Variants in SDK1 observed in about 807,000 individuals in gnomAD.
SDK1 encodes sidekick cell adhesion molecule 1, also known as protein sidekick-1.
A neutral mutation model predicts 245.5 loss-of-function variants in SDK1; 157 were observed. That is an observed-to-expected ratio of 0.64 (90% confidence interval 0.56 to 0.73). The LOEUF is 0.73. Ranked by LOEUF, SDK1 falls within the 30% of genes least tolerant of loss-of-function variation. SDK1 has a pLI of 0.00. For missense variants in SDK1, 3,583 were observed against 3,002.3 expected (o/e 1.19, Z -4.52); for synonymous variants, 1,647 against 1,278.5 (o/e 1.29, Z -6.15).
At chr7:3,455,826 A>G (rs1583883696) in intron 1 of SDK1, among the ~76,000 whole-genome samples, 2 of 152,320 alleles carry the variant, frequency 1.3e-5, no homozygotes, top group East Asian at 3.9e-4. Flanking sequence ...CTTTGCTGAG[A>G]TTTTGATAGG....
At chr7:3,494,671 T>G (rs1001020914) in intron 1 of SDK1, among the ~76,000 whole-genome samples, 2 of 152,222 alleles carry the variant, frequency 1.3e-5, no homozygotes, top group Non-Finnish European at 2.9e-5. Flanking sequence ...TTTTATATAC[T>G]CTGTTAAAGA....
At chr7:3,658,951 C>T in intron 4 of SDK1, among the ~76,000 whole-genome samples, 1 of 152,190 alleles carries the variant, frequency 6.6e-6, no homozygotes, top group Middle Eastern at 3.4e-3. Context: ...TTTCCATCAC[C>T]CCAGAAGAAA....
chr7:3,353,181 A>AT (rs145606589), intron 1 of SDK1, among the ~76,000 whole-genome samples: 25,801 of 152,004 alleles, frequency 0.17, 2,180 homozygotes, highest in South Asian at 0.23. Context: ...AAGTGGTGTA[A>AT]GTAATGGCAT....
chr7:4,250,845 T>C (rs187962554), intron 44 of SDK1, among the ~76,000 whole-genome samples: 74 of 152,348 alleles, frequency 4.9e-4, no homozygotes, highest in African/African-American at 1.7e-3. Context: ...TACGATTCAA[T>C]GGTTTTTAGT....
At chr7:4,161,415 T>TA (rs1290822049) in intron 31 of SDK1, among the ~76,000 whole-genome samples, 2 of 151,834 alleles carry the variant, frequency 1.3e-5, no homozygotes, top group African/African-American at 2.4e-5. Flanking sequence ...CTAGGTATCT[T>TA]AAAAAAAAGA....
At chr7:3,898,727 G>T (rs115767116) in intron 5 of SDK1, among the ~76,000 whole-genome samples, 1 of 152,108 alleles carries the variant, frequency 6.6e-6, no homozygotes, top group Non-Finnish European at 1.5e-5. Flanking sequence ...ATTATGTCAC[G>T]CCCCTTGTGT....
chr7:3,408,423 C>T (rs180876445), intron 1 of SDK1, among the ~76,000 whole-genome samples: 1 of 152,210 alleles, frequency 6.6e-6, no homozygotes, highest in East Asian at 1.9e-4. Flanking sequence ...ATTATTAATC[C>T]TGTTTAAAAT....
intron 4 of SDK1, among the ~76,000 whole-genome samples, chr7:3,816,772 G>C (rs1265217124): frequency 1.3e-5 from 2 of 152,098 alleles, no homozygotes; most frequent in Admixed American, 1.3e-4. Context: ...TGTGAGGCAT[G>C]AGATCCAGAT....
intron 4 of SDK1, among the ~76,000 whole-genome samples, chr7:3,688,710 C>G (rs889605359): frequency 6.6e-6 from 1 of 152,162 alleles, no homozygotes. Flanking sequence ...CAGTGTTTAT[C>G]TTCTTGGATG....
At chr7:3,784,919 A>G (rs1780852990) in intron 4 of SDK1, among the ~76,000 whole-genome samples, 1 of 152,242 alleles carries the variant, frequency 6.6e-6, no homozygotes, top group Admixed American at 6.5e-5. Context: ...TTACTGCAGC[A>G]TTATTCACAG....
At chr7:3,345,205 C>G (rs12673946) in intron 1 of SDK1, among the ~76,000 whole-genome samples, 2 of 152,092 alleles carry the variant, frequency 1.3e-5, no homozygotes, top group African/African-American at 2.4e-5. Context: ...AGATAACTTA[C>G]GGATTTTATA....
intron 5 of SDK1, among the ~76,000 whole-genome samples, chr7:3,930,350 C>G (rs930969876): frequency 6.6e-6 from 1 of 152,206 alleles, no homozygotes; most frequent in Non-Finnish European, 1.5e-5. Flanking sequence ...AGTGGAAATG[C>G]AGGGTCTTGA....
intron 14 of SDK1, among the ~76,000 whole-genome samples, chr7:4,005,502 T>C (rs1318393844): frequency 1.3e-5 from 2 of 150,922 alleles, no homozygotes; most frequent in South Asian, 2.1e-4. Context: ...TGACACCAGC[T>C]GCCCCGCTTC....
intron 1 of SDK1, among the ~76,000 whole-genome samples, chr7:3,600,068 G>A (rs1781206411): frequency 1.3e-5 from 2 of 152,100 alleles, no homozygotes. Context: ...GACATGGTGT[G>A]TCTCCTCATT....
intron 1 of SDK1, among the ~76,000 whole-genome samples, chr7:3,484,223 G>C (rs1781606590): frequency 6.6e-6 from 1 of 152,168 alleles, no homozygotes; most frequent in South Asian, 2.1e-4. Flanking sequence ...CTGTATCCAT[G>C]AATTCACATC....
intron 4 of SDK1, among the ~76,000 whole-genome samples, chr7:3,800,281 G>A (rs751521048): frequency 6.6e-6 from 1 of 152,120 alleles, no homozygotes; most frequent in Non-Finnish European, 1.5e-5. Context: ...AAGGATCTTA[G>A]TTCCCATTAT....
intron 1 of SDK1, among the ~76,000 whole-genome samples, chr7:3,531,043 C>A (rs1023798967): frequency 6.6e-6 from 1 of 152,186 alleles, no homozygotes; most frequent in African/African-American, 2.4e-5. Flanking sequence ...CACTATAACT[C>A]TGCTTCATAT....
intron 4 of SDK1, among the ~76,000 whole-genome samples, chr7:3,736,115 G>C (rs1428033282): frequency 6.6e-6 from 1 of 152,136 alleles, no homozygotes; most frequent in Middle Eastern, 3.2e-3. Context: ...TAATTTGCCA[G>C]TGTCTTTTTC....
chr7:3,576,327 C>T (rs147658910), intron 1 of SDK1, among the ~76,000 whole-genome samples: 2 of 152,130 alleles, frequency 1.3e-5, no homozygotes, highest in Non-Finnish European at 2.9e-5. Context: ...TGGAGTTACA[C>T]TGTGTACTTC....
Sources: gnomAD v4.1 joint callset for allele counts (sites outside exome capture counted in the v4.1 genomes callset) on GRCh38, gnomAD v4.1.1 for gene constraint, MANE v1.5 for transcripts, NCBI Gene and HGNC (gene_info 2026-07-23, HGNC 2026-07-21) for gene names.